The following IQCK variants were observed in gnomAD, a reference collection of about 807,000 sequenced individuals.
The protein encoded by IQCK is IQ motif containing K, also known as IQ domain-containing protein K.
A neutral mutation model predicts 28.1 loss-of-function variants in IQCK; 29 were observed. The observed-to-expected ratio is 1.03, with a 90% CI of 0.77 to 1.41. The LOEUF is 1.41. IQCK is among the 40% of genes most tolerant of loss of function. IQCK has a pLI of 0.00. For missense variants in IQCK, 359 were observed against 314.7 expected (o/e 1.14, Z -1.07); for synonymous variants, 113 against 115.1 (o/e 0.98, Z 0.12).
chr16:19,737,924 C>T (rs1438437225), intron 4 of IQCK, among the ~76,000 whole-genome samples: 4 of 152,190 alleles, frequency 2.6e-5, no homozygotes, highest in Non-Finnish European at 5.9e-5. Flanking sequence ...CATAACTTCT[C>T]TCTGAAGCTT....
intron 4 of IQCK, among the ~76,000 whole-genome samples, chr16:19,741,275 A>G (rs2054831203): frequency 6.6e-6 from 1 of 152,274 alleles, no homozygotes; most frequent in African/African-American, 2.4e-5. Context: ...TGGTGCATGT[A>G]TATTCCATTG....
At chr16:19,799,625 C>G (rs1441223606) in intron 7 of IQCK, among the ~76,000 whole-genome samples, 1 of 140,218 alleles carries the variant, frequency 7.1e-6, no homozygotes, top group African/African-American at 3.2e-5. Context: ...CACACACACA[C>G]ACACACACAC....
chr16:19,743,226 C>G (rs931524171), intron 4 of IQCK, among the ~76,000 whole-genome samples: 3 of 152,134 alleles, frequency 2.0e-5, no homozygotes, highest in Non-Finnish European at 4.4e-5. Context: ...CATAATTAAG[C>G]TACATGAGCA....
chr16:19,820,058 C>G (rs2056048335), intron 7 of IQCK, among the ~76,000 whole-genome samples: 1 of 152,090 alleles, frequency 6.6e-6, no homozygotes, highest in African/African-American at 2.4e-5. Context: ...TGAAATTGGA[C>G]CCTTACCCCA....
chr16:19,771,558 A>C (rs2055321443), intron 6 of IQCK, among the ~76,000 whole-genome samples: 1 of 152,214 alleles, frequency 6.6e-6, no homozygotes, highest in Admixed American at 6.5e-5. Context: ...TTGTATAATA[A>C]AAATGATACA....
chr16:19,845,525 G>C (rs555612293), intron 9 of IQCK, among the ~76,000 whole-genome samples: 2 of 152,150 alleles, frequency 1.3e-5, no homozygotes, highest in African/African-American at 4.8e-5. Context: ...ACAGAATTTC[G>C]AAGGACAACC....
intron 4 of IQCK, among the ~76,000 whole-genome samples, chr16:19,744,301 C>T (rs578197778): frequency 6.6e-6 from 1 of 151,890 alleles, no homozygotes; most frequent in Non-Finnish European, 1.5e-5. Flanking sequence ...AAATTATTTT[C>T]ATTTTTATTT....
chr16:19,729,308 A>G (rs1245695852), intron 1 of IQCK, among the ~76,000 whole-genome samples: 4 of 152,178 alleles, frequency 2.6e-5, no homozygotes, highest in East Asian at 3.9e-4. Flanking sequence ...AGGTTTCACC[A>G]TGTTGGTAAG....
chr16:19,720,567 A>G (rs1977461545), intron 1 of IQCK, among the ~76,000 whole-genome samples: 1 of 152,198 alleles, frequency 6.6e-6, no homozygotes. Context: ...GTAGTCAATA[A>G]ATGTTCATTA....
intron 1 of IQCK, among the ~76,000 whole-genome samples, chr16:19,722,136 A>G (rs1450554116): frequency 6.6e-6 from 1 of 152,142 alleles, no homozygotes. Context: ...GCATCTCTCA[A>G]TGCCTTCTCC....
intron 4 of IQCK, chr16:19,735,913 T>A (rs1340081099): frequency 1.2e-5 from 4 of 330,862 alleles, no homozygotes; most frequent in Admixed American, 8.4e-5. Flanking sequence ...AATTTTTTTT[T>A]AAATTAGCTA....
At chr16:19,722,024 G>A (rs189748982) in intron 1 of IQCK, among the ~76,000 whole-genome samples, 11 of 152,276 alleles carry the variant, frequency 7.2e-5, no homozygotes, top group African/African-American at 2.4e-4. Flanking sequence ...GCCAGATACC[G>A]ACATGGATCA....
intron 7 of IQCK, among the ~76,000 whole-genome samples, chr16:19,806,993 A>G (rs1408087483): frequency 1.3e-5 from 2 of 152,330 alleles, no homozygotes; most frequent in Non-Finnish European, 1.5e-5. Context: ...ATCAGGGTTA[A>G]TATGTGTGGC....
intron 4 of IQCK, among the ~76,000 whole-genome samples, chr16:19,752,345 C>A (rs1287945788): frequency 6.6e-6 from 1 of 152,156 alleles, no homozygotes; most frequent in Non-Finnish European, 1.5e-5. Flanking sequence ...TAAAGTTAAT[C>A]ATTTTTACTG....
At chr16:19,739,669 G>A (rs981304253) in intron 4 of IQCK, among the ~76,000 whole-genome samples, 6 of 152,140 alleles carry the variant, frequency 3.9e-5, no homozygotes, top group Non-Finnish European at 7.3e-5. Context: ...ACGAAAATTA[G>A]CTGGGCATGG....
intron 9 of IQCK, among the ~76,000 whole-genome samples, chr16:19,842,937 A>T (rs11865189): frequency 0.29 from 44,392 of 152,100 alleles, 6,946 homozygotes; most frequent in East Asian, 0.53. Context: ...AGAACATTAA[A>T]CACTGGGAAG....
chr16:19,742,795 G>A (rs2054855725), intron 4 of IQCK, among the ~76,000 whole-genome samples: 1 of 152,084 alleles, frequency 6.6e-6, no homozygotes, highest in Admixed American at 6.5e-5. Flanking sequence ...TTCTTTCTAT[G>A]ACATGGCCCC....
chr16:19,732,835 T>C (rs911867640), intron 2 of IQCK, among the ~76,000 whole-genome samples: 5 of 152,204 alleles, frequency 3.3e-5, no homozygotes, highest in African/African-American at 1.2e-4. Flanking sequence ...TCAGGCTGTT[T>C]CATTGGTTTA....
chr16:19,776,133 G>A (rs1357094420), intron 6 of IQCK, among the ~76,000 whole-genome samples: 2 of 151,798 alleles, frequency 1.3e-5, no homozygotes, highest in Admixed American at 6.6e-5. Context: ...CACCTGCCTC[G>A]GCCTCCCAAA....
Sources: allele counts gnomAD v4.1 joint callset (sites outside exome capture counted in the v4.1 genomes callset), GRCh38; gene constraint gnomAD v4.1.1; transcripts MANE v1.5; gene names NCBI Gene and HGNC (gene_info 2026-07-23, HGNC 2026-07-21).